The following KAT6B variants were observed in gnomAD, a reference collection of about 807,000 sequenced individuals.
The protein encoded by KAT6B is histone acetyltransferase KAT6B.
A neutral mutation model predicts 187.5 loss-of-function variants in KAT6B; 10 were observed. The observed-to-expected ratio is 0.05, with a 90% confidence interval of 0.03 to 0.09. The LOEUF (loss-of-function observed/expected upper bound fraction) is 0.09. Ranked by LOEUF, KAT6B falls within the 10% of genes least tolerant of loss-of-function variation. The probability of loss-of-function intolerance (pLI) is 1.00; values close to 1 mark genes in which losing one functional copy is unlikely to be tolerated. For synonymous variants in KAT6B, 861 were observed against 926.8 expected, an observed-to-expected ratio of 0.93 and a Z score of 1.29; for missense variants, 1,952 against 2,558.9, an observed-to-expected ratio of 0.76 and a Z score of 5.12.
At chr10:74,964,918 A>G (rs1200086901) in intron 4 of KAT6B, among the ~76,000 whole-genome samples, 1 of 152,196 alleles carries the variant, frequency 6.6e-6, no homozygotes, top group Non-Finnish European at 1.5e-5. Context: ...TTATCGATGC[A>G]TCCCCACCAG....
At chr10:74,868,767 T>C (rs767967248) in intron 3 of KAT6B, among the ~76,000 whole-genome samples, 12 of 152,202 alleles carry the variant, frequency 7.9e-5, no homozygotes, top group Non-Finnish European at 1.3e-4. Context: ...CGTTTATATA[T>C]GCTCTTTCAT....
Position 74,951,619 on chromosome 10 carries a change from G to C in KAT6B, c.622-8351G>C, listed in dbSNP as rs116941003. 1.6e-3 allele frequency among the ~76,000 whole-genome samples: 241 copies of C among 152,212 alleles called. 3 individuals are homozygous for C. The East Asian group carries it at 0.036, about 23-fold the overall frequency. ...AAGCAAGCCCTAATAGTGAATACTGGGCAGATAATTTTCCTCCCAACTGAT... is the reference window on the plus strand; with the variant it reads ...AAGCAAGCCCTAATAGTGAATACTGCGCAGATAATTTTCCTCCCAACTGAT... On this transcript the variant is annotated intron_variant, in intron 3 of 17. Coordinates refer to ENST00000287239, the MANE Select transcript of KAT6B (RefSeq NM_012330.4).
intron 3 of KAT6B, among the ~76,000 whole-genome samples, chr10:74,924,280 T>C (rs1191949591): frequency 6.6e-6 from 1 of 152,174 alleles, no homozygotes; most frequent in Non-Finnish European, 1.5e-5. Context: ...ACTGTAGATA[T>C]CCTGGAATAC....
intron 3 of KAT6B, among the ~76,000 whole-genome samples, chr10:74,921,716 G>T (rs1848150283): frequency 6.6e-6 from 1 of 152,136 alleles, no homozygotes; most frequent in Admixed American, 6.5e-5. Context: ...CTTACTATTG[G>T]TTTTTGTGTC....
chr10:74,871,185 CTTTTTTTTTTTTT>C (rs746074814), intron 3 of KAT6B, among the ~76,000 whole-genome samples: 2 of 76,744 alleles, frequency 2.6e-5, no homozygotes, highest in South Asian at 9.2e-4. Context: ...CAAGCCTGGC[CTTTTTTTTTTTTT>C]TTTTTTTTTT....
chr10:75,015,692 G>A (rs1033445034), intron 13 of KAT6B, among the ~76,000 whole-genome samples: 4 of 152,158 alleles, frequency 2.6e-5, no homozygotes, highest in African/African-American at 7.2e-5. Flanking sequence ...ACCCAGTGCC[G>A]TCGACTGATA....
At chr10:75,017,101 G>C (rs1466309163) in intron 13 of KAT6B, among the ~76,000 whole-genome samples, 1 of 151,960 alleles carries the variant, frequency 6.6e-6, no homozygotes, top group Non-Finnish European at 1.5e-5. Flanking sequence ...GACCTCAGGT[G>C]ATCTGCCCAC....
intron 12 of KAT6B, among the ~76,000 whole-genome samples, chr10:74,988,242 C>G (rs1842933721): frequency 6.6e-6 from 1 of 152,166 alleles, no homozygotes; most frequent in African/African-American, 2.4e-5. Flanking sequence ...GTTTTGGCAA[C>G]TTCTTTGTAC....
Position 75,014,212 on chromosome 10 carries a change from C to T in KAT6B, c.2630-6370C>T, listed in dbSNP as rs552924194. Among the ~76,000 whole-genome samples the T allele has an allele frequency of 2.0e-4, 30 of 152,202 alleles. No individual in the cohort carries two copies. The South Asian group carries it at 2.1e-3, about 11-fold the overall frequency. Reference sequence around the variant, plus strand: ...CTAGCAAGCTGGGTGCAGTGGCTCACGCCTGTAATCCCAGCACTTTGGGAG... The same window carrying T: ...CTAGCAAGCTGGGTGCAGTGGCTCATGCCTGTAATCCCAGCACTTTGGGAG... On this transcript the variant is annotated intron_variant, in intron 13 of 17. Transcript: ENST00000287239.
chr10:75,012,709 G>T (rs1844700791), intron 13 of KAT6B, among the ~76,000 whole-genome samples: 1 of 152,146 alleles, frequency 6.6e-6, no homozygotes, highest in African/African-American at 2.4e-5. Context: ...ACCTTTCCCT[G>T]GGGGACTGAC....
At chr10:74,839,994 A>T (rs553175886) in intron 2 of KAT6B, among the ~76,000 whole-genome samples, 2 of 152,262 alleles carry the variant, frequency 1.3e-5, no homozygotes, top group Non-Finnish European at 2.9e-5. Flanking sequence ...AGGTTGGAAG[A>T]TAGGCTTAAA....
chr10:74,847,672 A>T (rs904763708), intron 3 of KAT6B, among the ~76,000 whole-genome samples: 37 of 152,140 alleles, frequency 2.4e-4, no homozygotes, highest in African/African-American at 4.8e-4. Flanking sequence ...CTCAAAAAAA[A>T]AAATAAATAA....
intron 3 of KAT6B, among the ~76,000 whole-genome samples, chr10:74,958,414 G>C (rs979474106): frequency 6.6e-6 from 1 of 152,088 alleles, no homozygotes; most frequent in African/African-American, 2.4e-5. Flanking sequence ...TGATTATGTT[G>C]GGTGTTCTTG....
At chr10:74,891,646 T>C (rs553958580) in intron 3 of KAT6B, among the ~76,000 whole-genome samples, 2 of 152,388 alleles carry the variant, frequency 1.3e-5, no homozygotes, top group African/African-American at 4.8e-5. Flanking sequence ...ATCTTTGTTA[T>C]CAGCCTTGCA....
At position 75,021,935 on chromosome 10, in the gene KAT6B, C is replaced by G; in HGVS notation, c.3076C>G (p.Leu1026Val). The change falls in exon 16 of 18, where the codon CTG becomes GTG. Residue 1026 changes from leucine to valine, a missense_variant. By Grantham distance (32) the Leu-to-Val change is conservative (BLOSUM62 1). Around this residue, in one of 9 missense-constraint regions of KAT6B, gnomAD observed 758 missense variants for 891.4 expected, o/e 0.85. Coordinates refer to ENST00000287239, the MANE Select transcript of KAT6B (RefSeq NM_012330.4). ...SCWEKEEQEI[L>V]STRANSRQSP... is the part of the protein sequence containing the mutation. ...CTGGGAGAAGGAGGAACAAGAAATCCTGTCAACTAGAGCTAACAGTAGGCA... is the reference window on the plus strand; with the variant it reads ...CTGGGAGAAGGAGGAACAAGAAATCGTGTCAACTAGAGCTAACAGTAGGCA... 6.2e-7 allele frequency: 1 copy of G among 1,614,156 alleles called. No homozygotes were observed. Among genetic ancestry groups the G allele is most frequent in the Non-Finnish European group, 8.5e-7 (1 of 1,180,018 alleles).
intron 3 of KAT6B, among the ~76,000 whole-genome samples, chr10:74,909,100 A>T (rs1413857647): frequency 6.6e-6 from 1 of 152,242 alleles, no homozygotes; most frequent in African/African-American, 2.4e-5. Flanking sequence ...AAGGCCGTGT[A>T]TGGTGGCTCA....
chr10:74,939,524 C>T (rs1849513053), intron 3 of KAT6B, among the ~76,000 whole-genome samples: 1 of 152,040 alleles, frequency 6.6e-6, no homozygotes, highest in Admixed American at 6.6e-5. Flanking sequence ...CCTCTGCCTC[C>T]CAAGTAGCTG....
intron 10 of KAT6B, 151 bp downstream of exon 10, chr10:74,979,490 G>T: frequency 1.5e-6 from 1 of 687,672 alleles, no homozygotes; most frequent in Admixed American, 2.1e-5. Context: ...GCTTTTGCCA[G>T]CACCTTTTTA....
In KAT6B at chr10:75,030,913, C is replaced by G; in HGVS notation, c.6089C>G (p.Thr2030Ser). The change falls in exon 18 of 18, where the codon ACC becomes AGC. Residue 2030 changes from threonine to serine, a missense_variant. Thr to Ser is a moderately conservative substitution (Grantham distance 58). Around this residue, in one of 9 missense-constraint regions of KAT6B, gnomAD observed 358 missense variants for 436.3 expected, o/e 0.82. Coordinates refer to ENST00000287239, the MANE Select transcript of KAT6B (RefSeq NM_012330.4). This position sits in a 1 kb window ranked among gnomAD's most constrained non-coding sequence, Gnocchi z 4.8. ...PMQMQMGMMG[T>S]QPYAQQPMQT... ...CAGATGCAGATGGGCATGATGGGCA[C>G]CCAGCCATATGCCCAGCAGCCAATG... 1 of 1,613,932 alleles carries G rather than the reference C, an allele frequency of 6.2e-7. No individual in the cohort carries two copies. Among genetic ancestry groups the G allele is most frequent in the African/African-American group, 1.3e-5 (1 of 75,020 alleles).
Sources: gnomAD v4.1 joint callset for allele counts (sites outside exome capture counted in the v4.1 genomes callset) on GRCh38, gnomAD v4.1.1 for gene constraint, gnomAD v4.1.1 regional missense constraint, Gnocchi (gnomAD v3.1) non-coding constraint, MANE v1.5 for transcripts, NCBI Gene and HGNC (gene_info 2026-07-23, HGNC 2026-07-21) for gene names.